STOX2: variants seen among roughly 807,000 people sequenced by gnomAD.
The protein encoded by STOX2 is storkhead box 2.
STOX2 carries 28 observed loss-of-function variants against 60.9 expected under a neutral mutation model. The observed-to-expected ratio is 0.46, with a 90% confidence interval of 0.34 to 0.63. The LOEUF (loss-of-function observed/expected upper bound fraction) is 0.63. Among genes scored for constraint, STOX2 ranks in the 30% least tolerant of loss-of-function variants. STOX2 has a pLI of 0.01. For synonymous variants in STOX2, 472 were observed against 463.9 expected (o/e 1.02, Z -0.22); for missense variants, 1,024 against 1,187.7 (o/e 0.86, Z 2.03).
chr4:183,805,667 G>A (rs1483091340), intron 1 of STOX2, among the ~76,000 whole-genome samples: 1 of 152,190 alleles, frequency 6.6e-6, no homozygotes, highest in Non-Finnish European at 1.5e-5. Context: ...AAAAAAATTA[G>A]CTGAGCATGG....
rs530050988 is a variant in STOX2 at position 183,802,595 on chromosome 4, T to A, written c.364+4540T>A. Among the ~76,000 whole-genome samples the A allele has an allele frequency of 3.4e-5, 5 of 148,234 alleles. No individual in the cohort carries two copies. The South Asian group carries it at 1.1e-3, about 32-fold the overall frequency. On this transcript the variant is annotated intron_variant, in intron 1 of 2. Coordinates refer to the STOX2 transcript ENST00000513034. ...GGTCTCCCTATGTTGCCAAGGCTGGTTGTATTAGTCCATTTTTCTTTTTTT... is the reference window on the plus strand; with the variant it reads ...GGTCTCCCTATGTTGCCAAGGCTGGATGTATTAGTCCATTTTTCTTTTTTT...
chr4:183,992,186 G>C (rs996769847), intron 1 of STOX2, among the ~76,000 whole-genome samples: 21 of 152,108 alleles, frequency 1.4e-4, no homozygotes, highest in African/African-American at 5.1e-4. Context: ...GCAGTCAATC[G>C]GTACAATTTT....
rs189800308 is a variant in STOX2 at position 183,850,694 on chromosome 4, A to G, written c.364+52639A>G. Among the ~76,000 whole-genome samples, 173 of 152,306 alleles carry G rather than the reference A, an allele frequency of 1.1e-3. 3 individuals are homozygous for G. In the South Asian group the frequency reaches 0.022, roughly 20 times the overall value. ...CAGTAAGCCGAGATCACACCACTGC[A>G]CTCCAGCCTGGGTGACAGAGTGAGA... On this transcript the variant is annotated intron_variant, in intron 1 of 2. Coordinates refer to the STOX2 transcript ENST00000513034.
Position 184,009,166 on chromosome 4 carries a change from A to T in STOX2, c.328A>T (p.Thr110Ser). 7.3e-7 allele frequency: 1 copy of T among 1,362,448 alleles called. No homozygotes were observed. The highest frequency in any genetic ancestry group is 9.9e-7 in the Non-Finnish European group (1 of 1,011,230). The allele number at this position is 1,362,448 out of a possible 1,614,324, so 84.4% of individuals were successfully genotyped here. A position where few individuals can be genotyped will look rare whatever the true frequency, so the allele number is the denominator to read the frequency against. ...TTTTTTTTTTTTTTCAGGTGTTCCA[A>T]CGCCAAGCCAAGAAATTCTGCGGCA... ...HLTTCFPGVPTPSQEILRHTL... is the reference protein window; with the variant it reads ...HLTTCFPGVPSPSQEILRHTL... The change falls in exon 3 of 4, where the codon ACG becomes TCG. Residue 110 changes from threonine to serine, a missense_variant. Thr to Ser is a moderately conservative substitution (Grantham distance 58). Coordinates refer to ENST00000308497, the MANE Select transcript of STOX2 (RefSeq NM_020225.3). The surrounding 1 kb of genome is among the most constrained non-coding windows in gnomAD (Gnocchi z 4.0).
At chr4:183,959,287 G>A (rs972025601) in intron 1 of STOX2, among the ~76,000 whole-genome samples, 10 of 152,194 alleles carry the variant, frequency 6.6e-5, no homozygotes, top group African/African-American at 2.4e-4. Context: ...TTCTAAGAAT[G>A]CCTTTGGTAT....
intron 1 of STOX2, among the ~76,000 whole-genome samples, chr4:183,891,586 C>T (rs7667953): frequency 0.14 from 21,055 of 151,094 alleles, 1,608 homozygotes; most frequent in East Asian, 0.23. Context: ...GAATGATACA[C>T]TGGACTTTGG....
chr4:184,011,845 G>T lies in STOX2; in HGVS notation c.2585+422G>T, dbSNP rs1734188685. ...TTGGGAGTAAACTGATTGATGCTAA[G>T]ATAGGGGTCCCTGTAGTGAAAATAT... On this transcript the variant is annotated intron_variant, in intron 3 of 3. Coordinates refer to ENST00000308497, the MANE Select transcript of STOX2 (RefSeq NM_020225.3). This position sits in a 1 kb window ranked among gnomAD's most constrained non-coding sequence, Gnocchi z 4.4. Among the ~76,000 whole-genome samples, 1 of 152,188 alleles carries T rather than the reference G, an allele frequency of 6.6e-6. No homozygotes were observed. Among genetic ancestry groups the T allele is most frequent in the Non-Finnish European group, 1.5e-5 (1 of 68,036 alleles).
At chr4:183,834,108 C>CATCTATAGAGA (rs377418809) in intron 1 of STOX2, among the ~76,000 whole-genome samples, 3,172 of 152,186 alleles carry the variant, frequency 0.021, 90 homozygotes, top group African/African-American at 0.072. Flanking sequence ...TCAGCTTCTC[C>CATCTATAGAGA]ATCTATAGAA....
intron 1 of STOX2, among the ~76,000 whole-genome samples, chr4:183,999,429 CTGCTGATTTT>C (rs1733488838): frequency 6.6e-6 from 1 of 152,198 alleles, no homozygotes; most frequent in African/African-American, 2.4e-5. Context: ...TTCCTGGCTT[CTGCTGATTTT>C]TCTCCCTTCC....
At chr4:183,956,205 C>T (rs1044546270) in intron 1 of STOX2, among the ~76,000 whole-genome samples, 2 of 152,158 alleles carry the variant, frequency 1.3e-5, no homozygotes, top group African/African-American at 4.8e-5. Flanking sequence ...TACACCTCGC[C>T]GTTAACAATA....
chr4:183,817,008 C>T (rs939270199), intron 1 of STOX2, among the ~76,000 whole-genome samples: 1 of 152,220 alleles, frequency 6.6e-6, no homozygotes, highest in Non-Finnish European at 1.5e-5. Context: ...ATCACGTCAT[C>T]ATTTTTGCTG....
chr4:183,932,336 AG>A (rs1560889757), intron 1 of STOX2, among the ~76,000 whole-genome samples: 4 of 8,150 alleles, frequency 4.9e-4, no homozygotes, highest in Non-Finnish European at 4.3e-3. Context: ...GTATACATAC[AG>A]TATATGTATG....
At chr4:183,818,771 G>A (rs377203487) in intron 1 of STOX2, among the ~76,000 whole-genome samples, 11 of 149,886 alleles carry the variant, frequency 7.3e-5, no homozygotes, top group East Asian at 2.0e-4. Context: ...GGGCGGAGAC[G>A]CTCCCCACCT....
At chr4:183,801,732 G>C (rs530701044) in intron 1 of STOX2, among the ~76,000 whole-genome samples, 2 of 152,246 alleles carry the variant, frequency 1.3e-5, no homozygotes, top group African/African-American at 4.8e-5. Context: ...TGATGTGTTT[G>C]GAAACTGGCT....
intron 2 of STOX2, among the ~76,000 whole-genome samples, chr4:184,004,456 C>T (rs1733735024): frequency 6.6e-6 from 1 of 152,176 alleles, no homozygotes; most frequent in East Asian, 1.9e-4. Context: ...AAAAATTAGC[C>T]GGGCTTGGTG....
intron 1 of STOX2, among the ~76,000 whole-genome samples, chr4:183,824,998 A>T (rs1210871730): frequency 6.6e-6 from 1 of 152,194 alleles, no homozygotes; most frequent in Non-Finnish European, 1.5e-5. Context: ...GCACAATTGG[A>T]ATGTCCCCAT....
At position 184,017,425 on chromosome 4, in the gene STOX2, A is replaced by G; in HGVS notation, c.*141A>G. ...TTAAACTGTGCTGCTAAGTAGGGCT[A>G]GGGCAAAAAAACAAAAAATCTTTAT... is the stretch of plus-strand genomic sequence containing the variant. On this transcript the variant is annotated 3_prime_UTR_variant, in exon 4 of 4. Coordinates refer to ENST00000308497, the MANE Select transcript of STOX2 (RefSeq NM_020225.3). The G allele has an allele frequency of 1.2e-6, 1 of 845,722 alleles. No individual in the cohort carries two copies. Among genetic ancestry groups the G allele is most frequent in the South Asian group, 2.1e-5 (1 of 48,780 alleles). 52.4% of individuals were successfully genotyped at this position (845,722 alleles called of 1,614,324 possible). A position where few individuals can be genotyped will look rare whatever the true frequency, so the allele number is the denominator to read the frequency against.
intron 1 of STOX2, chr4:183,988,032 G>C (rs1352707513): frequency 1.3e-5 from 2 of 152,104 alleles, no homozygotes; most frequent in African/African-American, 4.8e-5. Flanking sequence ...AAAAATATGA[G>C]TTGGTGCTAA....
Position 184,009,231 on chromosome 4 carries a change from A to T in STOX2, c.393A>T (p.Pro131=). Residue 131 remains proline (P), a synonymous_variant, in exon 3 of 4, where the codon CCA becomes CCT. Coordinates refer to ENST00000308497, the MANE Select transcript of STOX2 (RefSeq NM_020225.3). The surrounding 1 kb of genome is among the most constrained non-coding windows in gnomAD (Gnocchi z 4.0). ...TGGTACGGGAGAGGAAGATCTACCC[A>T]ACTCCAGATGGCTACTTCATCGTGA... ...NTLVRERKIY[P]TPDGYFIVTP... The T allele has an allele frequency of 6.4e-7, 1 of 1,559,924 alleles. No homozygotes were observed. Among genetic ancestry groups the T allele is most frequent in the South Asian group, 1.1e-5 (1 of 90,080 alleles).
Sources: allele counts gnomAD v4.1 joint callset (sites outside exome capture counted in the v4.1 genomes callset), GRCh38; gene constraint gnomAD v4.1.1; non-coding constraint Gnocchi (gnomAD v3.1); transcripts MANE v1.5; gene names NCBI Gene and HGNC (gene_info 2026-07-23, HGNC 2026-07-21).